WFDC8: variants seen among roughly 807,000 people sequenced by gnomAD.
WFDC8 encodes WAP four-disulfide core domain protein 8.
Under a neutral mutation model 27.0 loss-of-function variants are expected in WFDC8, and 24 were observed. The observed-to-expected ratio is 0.89, with a 90% CI of 0.64 to 1.25. The LOEUF (loss-of-function observed/expected upper bound fraction) is 1.25, where lower values mean the gene tolerates loss of function less well. Ranked by LOEUF, WFDC8 falls within the 50% of genes most tolerant of loss-of-function variation. The pLI, the probability that WFDC8 is intolerant of heterozygous loss-of-function variation, is 0.00. For synonymous variants in WFDC8, 106 were observed against 99.7 expected, an observed-to-expected ratio of 1.06 and a Z score of -0.38; for missense variants, 287 against 295.9, an observed-to-expected ratio of 0.97 and a Z score of 0.22.
chr20:45,579,100 T>G, intron 1 of WFDC8, 122 bp downstream of exon 1: 1 of 914,498 alleles, frequency 1.1e-6, no homozygotes. Flanking sequence ...GTGGAACCCC[T>G]CCTCACTATG....
rs757688306 is a variant in WFDC8 at position 45,555,727 on chromosome 20, G to C, written c.419C>G (p.Ala140Gly). The C allele has an allele frequency of 1.8e-5, 29 of 1,612,646 alleles. 1 individual carries two copies. The South Asian group carries it at 3.1e-4, about 17-fold the overall frequency. ...AATTAACATGCAGGCCGTTCTGCAGGCATCCTCATTTAAGAAGTTGTTGGC... is the reference window on the plus strand; with the variant it reads ...AATTAACATGCAGGCCGTTCTGCAGCCATCCTCATTTAAGAAGTTGTTGGC... Reference protein sequence around the residue: ...GNANNFLNEDACRTACMLIVK... With the variant: ...GNANNFLNEDGCRTACMLIVK... Residue 140 changes from alanine (A) to glycine (G), a missense_variant, in exon 4 of 6, where the codon GCC becomes GGC. Transcript: ENST00000289953.
intron 1 of WFDC8, among the ~76,000 whole-genome samples, chr20:45,575,262 T>C (rs1472481204): frequency 2.6e-5 from 4 of 152,098 alleles, no homozygotes; most frequent in East Asian, 1.9e-4. Context: ...ATCCTATATA[T>C]AGAAAACCCT....
chr20:45,577,029 C>T (rs914093674), intron 1 of WFDC8, among the ~76,000 whole-genome samples: 1 of 151,350 alleles, frequency 6.6e-6, no homozygotes, highest in East Asian at 1.9e-4. Context: ...ACTCATGATG[C>T]TTTTGTGGTC....
intron 4 of WFDC8, among the ~76,000 whole-genome samples, chr20:45,553,804 G>A (rs2145560721): frequency 6.6e-6 from 1 of 152,250 alleles, no homozygotes; most frequent in Non-Finnish European, 1.5e-5. Context: ...GAGGTGGTAA[G>A]GTTTTACCAG....
intron 1 of WFDC8, among the ~76,000 whole-genome samples, chr20:45,573,730 T>A (rs1359263985): frequency 6.6e-6 from 1 of 152,206 alleles, no homozygotes; most frequent in African/African-American, 2.4e-5. Context: ...TTCAATTTTA[T>A]TTTTCTACAT....
chr20:45,557,496 G>A (rs1362633928), intron 3 of WFDC8, among the ~76,000 whole-genome samples: 1 of 151,970 alleles, frequency 6.6e-6, no homozygotes, highest in Non-Finnish European at 1.5e-5. Flanking sequence ...GCAATGGTGC[G>A]ATCTCAGCTC....
chr20:45,551,242 A>C (rs767893328), downstream of WFDC8: 4 of 152,220 alleles, frequency 2.6e-5, no homozygotes, highest in Non-Finnish European at 4.4e-5. Flanking sequence ...GAAGAGAAAA[A>C]TCATTATGTG....
chr20:45,562,183 C>T lies in WFDC8; in HGVS notation c.63G>A (p.Arg21=), dbSNP rs752565513. The T allele has an allele frequency of 1.2e-5, 19 of 1,614,170 alleles. No individual in the cohort carries two copies. The South Asian group carries it at 2.0e-4, about 17-fold the overall frequency. ...AGAGAAGCAGCAGGAAAGCTACATT[C>T]CTCCAGGAGAAGGTGGGGCTATGGA... ...FPLHSPTFSW[R]NVAFLLLLSL... The change falls in exon 2 of 6, where the codon AGG becomes AGA. Residue 21 remains arginine, a synonymous_variant. Coordinates refer to ENST00000289953, the MANE Select transcript of WFDC8 (RefSeq NM_130896.3).
At chr20:45,564,419 C>G (rs1451430473) in intron 1 of WFDC8, among the ~76,000 whole-genome samples, 1 of 152,016 alleles carries the variant, frequency 6.6e-6, no homozygotes, top group Admixed American at 6.5e-5. Flanking sequence ...CGCCTGTAAT[C>G]CCAGCACTTT....
intron 1 of WFDC8, among the ~76,000 whole-genome samples, chr20:45,564,728 G>A (rs1486058810): frequency 6.6e-6 from 1 of 151,348 alleles, no homozygotes; most frequent in African/African-American, 2.4e-5. Flanking sequence ...TGTGGTTCTA[G>A]CTACTTAGGA....
intron 4 of WFDC8, 21 bp downstream of exon 4, chr20:45,555,680 T>A: frequency 1.2e-6 from 2 of 1,611,488 alleles, no homozygotes; most frequent in Non-Finnish European, 1.7e-6. Context: ...GACCCTCAGA[T>A]TTCCAGGATA....
chr20:45,561,748 G>C (rs368019432), intron 2 of WFDC8, among the ~76,000 whole-genome samples: 9 of 150,122 alleles, frequency 6.0e-5, no homozygotes, highest in Non-Finnish European at 7.5e-5. Context: ...GCGTGTGTGT[G>C]TGTGTGTGTG....
At chr20:45,556,809 T>G (rs1980274282) in intron 3 of WFDC8, among the ~76,000 whole-genome samples, 1 of 152,176 alleles carries the variant, frequency 6.6e-6, no homozygotes. Context: ...TCAATCATAT[T>G]GTGACGTGCA....
At chr20:45,565,134 A>AG (rs1191020068) in intron 1 of WFDC8, among the ~76,000 whole-genome samples, 1 of 150,672 alleles carries the variant, frequency 6.6e-6, no homozygotes, top group African/African-American at 2.4e-5. Flanking sequence ...GAAGGAAGGA[A>AG]GGGAAAAAGG....
chr20:45,556,440 C>T (rs900914034), intron 3 of WFDC8, among the ~76,000 whole-genome samples: 2 of 151,966 alleles, frequency 1.3e-5, no homozygotes, highest in Non-Finnish European at 2.9e-5. Context: ...GCAGAGACAA[C>T]TTGCAACATC....
intron 5 of WFDC8, among the ~76,000 whole-genome samples, chr20:45,552,482 T>A (rs1006039591): frequency 6.6e-6 from 1 of 152,232 alleles, no homozygotes; most frequent in East Asian, 1.9e-4. Context: ...ACACAGAACC[T>A]TCTTGTTTTA....
At chr20:45,559,259 T>G (rs537724926) in intron 2 of WFDC8, among the ~76,000 whole-genome samples, 1 of 152,150 alleles carries the variant, frequency 6.6e-6, no homozygotes, top group Non-Finnish European at 1.5e-5. Context: ...CCAAGGCCCT[T>G]TCCCTAAATT....
Position 45,578,474 on chromosome 20 carries a change from C to A in WFDC8, c.26+748G>T, listed in dbSNP as rs538325880. 7.9e-5 allele frequency among the ~76,000 whole-genome samples: 12 copies of A among 151,506 alleles called. No homozygotes were observed. In the East Asian group the frequency reaches 2.3e-3, roughly 29 times the overall value. On this transcript the variant is annotated intron_variant, in intron 1 of 5. Coordinates refer to ENST00000289953, the MANE Select transcript of WFDC8 (RefSeq NM_130896.3). ...GGGACCAAGACAAAAGAAGCAGCCTCTATGTGGATTAGGCCCCTTCTCCTG... is the reference window on the plus strand; with the variant it reads ...GGGACCAAGACAAAAGAAGCAGCCTATATGTGGATTAGGCCCCTTCTCCTG...
intron 4 of WFDC8, among the ~76,000 whole-genome samples, chr20:45,555,461 A>G (rs6032303): frequency 0.38 from 58,258 of 151,928 alleles, 11,635 homozygotes; most frequent in Non-Finnish European, 0.43. Flanking sequence ...TTTTCTATAC[A>G]CTATCTCATT....
Sources: gnomAD v4.1 joint callset for allele counts (sites outside exome capture counted in the v4.1 genomes callset) on GRCh38, gnomAD v4.1.1 for gene constraint, MANE v1.5 for transcripts, NCBI Gene and HGNC (gene_info 2026-07-23, HGNC 2026-07-21) for gene names.